TBC1D21: variants seen among roughly 807,000 people sequenced by gnomAD.
The protein encoded by TBC1D21 is male germ cell Rab GTPase-activating protein.
TBC1D21 carries 38 observed loss-of-function variants against 46.0 expected under a neutral mutation model. The ratio of observed to expected loss-of-function variants is 0.83; its 90% CI spans 0.64 to 1.08. The LOEUF is 1.08. Ranked by LOEUF, TBC1D21 falls within the 50% of genes least tolerant of loss-of-function variation. The probability of loss-of-function intolerance (pLI) is 0.00; values close to 1 mark genes in which losing one functional copy is unlikely to be tolerated. For missense variants in TBC1D21, 415 were observed against 417.9 expected (o/e 0.99, Z 0.06); for synonymous variants, 151 against 157.2 (o/e 0.96, Z 0.29).
intron 1 of TBC1D21, among the ~76,000 whole-genome samples, chr15:73,875,518 G>A (rs2068045791): frequency 6.6e-6 from 1 of 152,166 alleles, no homozygotes; most frequent in Non-Finnish European, 1.5e-5. Flanking sequence ...TGATGCAGTG[G>A]GGAGAGGAGA....
the TBC1D21 span, among the ~76,000 whole-genome samples, chr15:73,907,783 T>C: frequency 4.1e-4 from 62 of 152,210 alleles, 1 homozygote; most frequent in Non-Finnish European, 2.9e-5. Context: ...CTGTATAGTC[T>C]CAATTTGTTG....
At position 73,881,625 on chromosome 15, in the gene TBC1D21, C is replaced by G. The variant is rs1322640857; in HGVS notation, c.169-19C>G. The G allele has an allele frequency of 1.9e-6, 3 of 1,610,770 alleles. No homozygotes were observed. Among genetic ancestry groups the G allele is most frequent in the Admixed American group, 3.3e-5 (2 of 59,900 alleles). ...GCATCGATAGAGCCCATGACCTCCA[C>G]CTCCCACCCCCACCCCAGGGTCTGC... On this transcript the variant is annotated intron_variant, in intron 2 of 10. Transcript: ENST00000300504.
chr15:73,888,543 C>CTCCTCTTCCTCCTCCTCCTCT lies in TBC1D21; in HGVS notation c.978+36_978+56dup, dbSNP rs1567070185. ...GTTGCCCCAATGATGTGTCCTCCTC[C>CTCCTCTTCCTCCTCCTCCTCT]TCCTCTTCCTCCTCCTCCTCTTCCT... On this transcript the variant is annotated intron_variant, in intron 10 of 10. Coordinates refer to ENST00000300504, the MANE Select transcript of TBC1D21 (RefSeq NM_153356.3). 3.6e-6 allele frequency: 5 copies of CTCCTCTTCCTCCTCCTCCTCT among 1,385,332 alleles called. No homozygotes were observed. In the East Asian group the frequency reaches 1.8e-4, roughly 49 times the overall value. The allele number at this position is 1,385,332 out of a possible 1,614,324, so 85.8% of individuals were successfully genotyped here.
At chr15:73,900,274 G>T in the TBC1D21 span, among the ~76,000 whole-genome samples, 3 of 152,192 alleles carry the variant, frequency 2.0e-5, no homozygotes, top group Non-Finnish European at 4.4e-5. Context: ...CAGCCTCTTG[G>T]CAGATGGTGC....
At chr15:73,891,648 G>T (rs1228027436), downstream of TBC1D21, among the ~76,000 whole-genome samples, 1 of 152,214 alleles carries the variant, frequency 6.6e-6, no homozygotes, top group Non-Finnish European at 1.5e-5. Flanking sequence ...TGCTCCCACT[G>T]CCTGGCCTCT....
downstream of TBC1D21, among the ~76,000 whole-genome samples, chr15:73,890,244 A>G (rs531275644): frequency 3.3e-5 from 5 of 152,188 alleles, no homozygotes; most frequent in East Asian, 1.9e-4. Flanking sequence ...TATGTCCCCA[A>G]TGAGTGCTTG....
intron 1 of TBC1D21, among the ~76,000 whole-genome samples, chr15:73,876,199 GTTTTTTTTTTTTTTTTTTTTTTTTT>G (rs539517539): frequency 0.011 from 319 of 28,262 alleles, 6 homozygotes; most frequent in African/African-American, 0.016. Context: ...TTTTTTGTGG[GTTTTTTTTTTTTTTTTTTTTTTTTT>G]TTTTTTTTTT....
At chr15:73,882,758 T>C (rs1392671101) in intron 3 of TBC1D21, among the ~76,000 whole-genome samples, 9 of 152,180 alleles carry the variant, frequency 5.9e-5, no homozygotes, top group Admixed American at 5.2e-4. Flanking sequence ...GGGGGCTCAA[T>C]CAGATAATAC....
At chr15:73,876,166 C>T (rs1161100212) in intron 1 of TBC1D21, among the ~76,000 whole-genome samples, 1 of 139,276 alleles carries the variant, frequency 7.2e-6, no homozygotes, top group African/African-American at 2.7e-5. Flanking sequence ...AATGGAGTTT[C>T]CTAGAAGGAA....
At chr15:73,875,365 T>C (rs1452393) in intron 1 of TBC1D21, among the ~76,000 whole-genome samples, 143,608 of 149,768 alleles carry the variant, frequency 0.96, 69,154 homozygotes, top group East Asian at 1. Context: ...GCAAAGTCAA[T>C]GACCTTCCCT....
At chr15:73,886,468 T>C (rs369073401) in intron 7 of TBC1D21, 44 bp from the exon 8 acceptor site, 39 of 1,559,356 alleles carry the variant, frequency 2.5e-5, no homozygotes, top group Non-Finnish European at 2.9e-5. Context: ...TGCTGCATCA[T>C]ATGTGTTTTC....
At chr15:73,881,555 A>G (rs748865267) in intron 2 of TBC1D21, 49 bp downstream of exon 2, 69 of 1,603,106 alleles carry the variant, frequency 4.3e-5, no homozygotes, top group Non-Finnish European at 5.7e-5. Flanking sequence ...GGGAGCATGG[A>G]TGGGCAGGGG....
At chr15:73,896,612 G>A in the TBC1D21 span, among the ~76,000 whole-genome samples, 28 of 152,190 alleles carry the variant, frequency 1.8e-4, no homozygotes, top group African/African-American at 5.5e-4. Context: ...AAGGAGGGGC[G>A]GTAAACTTGA....
Position 73,886,147 on chromosome 15 carries a change from C to A in TBC1D21, c.649C>A (p.Leu217Met), listed in dbSNP as rs1567068207. The change falls in exon 7 of 11, where the codon CTG becomes ATG. Residue 217 changes from leucine (L) to methionine (M), a missense_variant. Transcript: ENST00000300504. ...LDMLSTLITF[L>M]DPVFAEHLKG... Reference sequence around the variant, plus strand: ...CATGCTCAGCACCCTGATCACCTTCCTGGACCCCGTGTTTGCTGAGCACCT... The same window carrying A: ...CATGCTCAGCACCCTGATCACCTTCATGGACCCCGTGTTTGCTGAGCACCT... 6.2e-7 allele frequency: 1 copy of A among 1,614,216 alleles called. No homozygotes were observed. Among genetic ancestry groups the A allele is most frequent in the Non-Finnish European group, 8.5e-7 (1 of 1,180,012 alleles).
chr15:73,908,997 G>T, the TBC1D21 span, among the ~76,000 whole-genome samples: 1 of 152,204 alleles, frequency 6.6e-6, no homozygotes, highest in Non-Finnish European at 1.5e-5. Context: ...GTGTGACCTT[G>T]GGCTCCTAAC....
the TBC1D21 span, among the ~76,000 whole-genome samples, chr15:73,896,608 G>C: frequency 1.3e-5 from 2 of 152,102 alleles, no homozygotes; most frequent in Non-Finnish European, 2.9e-5. Context: ...GCACAAGGAG[G>C]GGCGGTAAAC....
At chr15:73,888,341 T>C in intron 9 of TBC1D21, 89 bp from the exon 10 acceptor site, 1 of 1,097,972 alleles carries the variant, frequency 9.1e-7, no homozygotes, top group Non-Finnish European at 1.4e-6. Context: ...CCTTCTTCCC[T>C]GGGTGCTGCA....
downstream of TBC1D21, among the ~76,000 whole-genome samples, chr15:73,892,937 A>G (rs72745342): frequency 0.12 from 18,156 of 152,222 alleles, 1,404 homozygotes; most frequent in South Asian, 0.21. Flanking sequence ...AATGTCAGTG[A>G]TGGTGGTGAA....
downstream of TBC1D21, chr15:73,889,319 C>G: frequency 1.8e-6 from 1 of 551,612 alleles, no homozygotes; most frequent in Non-Finnish European, 3.3e-6. Flanking sequence ...CTGAGAGACA[C>G]ATTCTGAGAC....
Sources: gnomAD v4.1 joint callset for allele counts (sites outside exome capture counted in the v4.1 genomes callset) on GRCh38, gnomAD v4.1.1 for gene constraint, MANE v1.5 for transcripts, NCBI Gene and HGNC (gene_info 2026-07-23, HGNC 2026-07-21) for gene names.